CNTN4: variants seen among roughly 807,000 people sequenced by gnomAD.
The protein encoded by CNTN4 is contactin-4.
Under a neutral mutation model 122.5 loss-of-function variants are expected in CNTN4, and 77 were observed. That is an observed-to-expected ratio of 0.63 (90% CI 0.52 to 0.76). The LOEUF (loss-of-function observed/expected upper bound fraction) is 0.76, where lower values mean the gene tolerates loss of function less well. Among genes scored for constraint, CNTN4 ranks in the 30% least tolerant of loss-of-function variants. The probability of loss-of-function intolerance (pLI) is 0.00; values close to 1 mark genes in which losing one functional copy is unlikely to be tolerated. For missense variants in CNTN4, 1,256 were observed against 1,259.1 expected (o/e 1.00, Z 0.04); for synonymous variants, 512 against 447.0 (o/e 1.15, Z -1.83).
chr3:2,595,818 G>T (rs1388559517), intron 4 of CNTN4, among the ~76,000 whole-genome samples: 4 of 151,232 alleles, frequency 2.6e-5, no homozygotes, highest in African/African-American at 9.7e-5. Flanking sequence ...AGATCTGCAT[G>T]ATCCCCAAAC....
chr3:2,787,405 A>T (rs2091870879), intron 6 of CNTN4, among the ~76,000 whole-genome samples: 1 of 152,172 alleles, frequency 6.6e-6, no homozygotes, highest in Non-Finnish European at 1.5e-5. Flanking sequence ...AAATAAAATA[A>T]ATATAAAAGG....
In CNTN4 at chr3:2,215,883, C is replaced by CAAAAAAAA. The variant is rs869205172; in HGVS notation, c.-145+115261_-145+115268dup. On this transcript the variant is annotated intron_variant, in intron 2 of 24. Coordinates refer to ENST00000418658, the MANE Select transcript of CNTN4 (RefSeq NM_175607.3). ...GTGTGAACAGAGTGAGCCTCTGTCT[C>CAAAAAAAA]AAAAAAAAAAAAAAAAAAAAAAAAG... Among the ~76,000 whole-genome samples, 23 of 60,248 alleles carry CAAAAAAAA rather than the reference C, an allele frequency of 3.8e-4. 1 individual carries two copies. The highest frequency in any genetic ancestry group is 1.1e-3 in the African/African-American group (16 of 15,086). 39.5% of individuals were successfully genotyped at this position (60,248 alleles called of 152,430 possible). A position where few individuals can be genotyped will look rare whatever the true frequency, so the allele number is the denominator to read the frequency against.
In CNTN4 at chr3:2,988,430, C is replaced by CT; in HGVS notation, c.1444_1445insT (p.His482LeufsTer6). 6.2e-7 allele frequency: 1 copy of CT among 1,613,728 alleles called. No homozygotes were observed. The highest frequency in any genetic ancestry group is 8.5e-7 in the Non-Finnish European group (1 of 1,179,766). Reference sequence around the variant, plus strand: ...GAGTTATACCTGTATAGCCACTAACCATTTTGGAACTGCTAGCAGTACTGG... The same window carrying CT: ...GAGTTATACCTGTATAGCCACTAACCTATTTTGGAACTGCTAGCAGTACTGG... On this transcript the variant is annotated frameshift_variant, in exon 14 of 25. Coordinates refer to ENST00000418658, the MANE Select transcript of CNTN4 (RefSeq NM_175607.3). LOFTEE classifies it high-confidence loss of function.
chr3:2,273,914 C>G (rs2041398146), intron 2 of CNTN4, among the ~76,000 whole-genome samples: 2 of 151,966 alleles, frequency 1.3e-5, no homozygotes, highest in Non-Finnish European at 2.9e-5. Context: ...TTTTCTTTGC[C>G]TTCGCTTAAT....
chr3:2,816,638 T>C (rs959175856), intron 6 of CNTN4, among the ~76,000 whole-genome samples: 6 of 150,992 alleles, frequency 4.0e-5, no homozygotes, highest in African/African-American at 1.2e-4. Context: ...CTGGCCAACA[T>C]GGTGAAACCC....
At chr3:2,569,533 T>C (rs570405334) in intron 3 of CNTN4, among the ~76,000 whole-genome samples, 2 of 152,212 alleles carry the variant, frequency 1.3e-5, no homozygotes, top group East Asian at 3.9e-4. Flanking sequence ...ATAATATAAA[T>C]GTAATATATT....
At chr3:2,212,545 C>T (rs1174092405) in intron 2 of CNTN4, among the ~76,000 whole-genome samples, 1 of 152,082 alleles carries the variant, frequency 6.6e-6, no homozygotes. Context: ...AGACTTACTA[C>T]CACAAAAACA....
chr3:2,504,598 G>C (rs570034520), intron 3 of CNTN4, among the ~76,000 whole-genome samples: 5 of 152,244 alleles, frequency 3.3e-5, no homozygotes, highest in African/African-American at 1.2e-4. Context: ...TAAAACTACT[G>C]AGTGAAATGC....
intron 3 of CNTN4, among the ~76,000 whole-genome samples, chr3:2,557,714 GCACTCCAGCCTGGGCA>G (rs1232835082): frequency 2.7e-5 from 4 of 148,238 alleles, no homozygotes; most frequent in Admixed American, 1.4e-4. Context: ...GGGCAACACT[GCACTCCAGCCTGGGCA>G]ACAGAGCAAG....
chr3:2,109,843 T>G (rs1266273014), intron 2 of CNTN4, among the ~76,000 whole-genome samples: 1 of 152,212 alleles, frequency 6.6e-6, no homozygotes, highest in Non-Finnish European at 1.5e-5. Context: ...ATTAGTGAAT[T>G]AATTGGGAGT....
At chr3:2,278,250 C>A (rs575870725) in intron 2 of CNTN4, among the ~76,000 whole-genome samples, 1 of 152,296 alleles carries the variant, frequency 6.6e-6, no homozygotes, top group South Asian at 2.1e-4. Flanking sequence ...ACCTCATTTT[C>A]TTCACAGTAC....
chr3:2,438,776 A>G (rs573572661), intron 3 of CNTN4, among the ~76,000 whole-genome samples: 1 of 152,306 alleles, frequency 6.6e-6, no homozygotes, highest in African/African-American at 2.4e-5. Flanking sequence ...AATGTGGACC[A>G]CGGTCTGGAG....
At chr3:2,316,739 C>T (rs1371206802) in intron 2 of CNTN4, among the ~76,000 whole-genome samples, 4 of 152,106 alleles carry the variant, frequency 2.6e-5, no homozygotes, top group Non-Finnish European at 5.9e-5. Flanking sequence ...TCTTAGATGG[C>T]ATGATTTGAT....
intron 4 of CNTN4, among the ~76,000 whole-genome samples, chr3:2,591,812 G>A (rs1185065837): frequency 6.6e-6 from 1 of 152,186 alleles, no homozygotes. Flanking sequence ...TGAATGCCAG[G>A]TGTAGTAGTC....
intron 3 of CNTN4, among the ~76,000 whole-genome samples, chr3:2,563,365 C>T (rs568452629): frequency 2.4e-4 from 36 of 152,148 alleles, no homozygotes; most frequent in African/African-American, 7.5e-4. Flanking sequence ...ACTTAGTTAA[C>T]CCATAAAATT....
intron 7 of CNTN4, among the ~76,000 whole-genome samples, chr3:2,845,829 C>A (rs1009912891): frequency 1.3e-5 from 2 of 152,156 alleles, no homozygotes; most frequent in African/African-American, 4.8e-5. Flanking sequence ...AGCTTTGATG[C>A]TACAATACCT....
At chr3:2,787,749 G>A (rs1365970848) in intron 6 of CNTN4, among the ~76,000 whole-genome samples, 2 of 151,272 alleles carry the variant, frequency 1.3e-5, no homozygotes, top group East Asian at 1.9e-4. Context: ...CATGCACAAA[G>A]TGTACTTATC....
At chr3:2,791,614 A>T (rs2092014503) in intron 6 of CNTN4, among the ~76,000 whole-genome samples, 1 of 152,154 alleles carries the variant, frequency 6.6e-6, no homozygotes, top group Non-Finnish European at 1.5e-5. Flanking sequence ...GAAGAATGCA[A>T]ACCTGATGCC....
chr3:2,849,006 C>T (rs766253291), intron 7 of CNTN4, among the ~76,000 whole-genome samples: 1 of 152,112 alleles, frequency 6.6e-6, no homozygotes, highest in Non-Finnish European at 1.5e-5. Flanking sequence ...AAGCTAGGCA[C>T]CCAAAACAAA....
Sources: allele counts gnomAD v4.1 joint callset (sites outside exome capture counted in the v4.1 genomes callset), GRCh38; gene constraint gnomAD v4.1.1; transcripts MANE v1.5; gene names NCBI Gene and HGNC (gene_info 2026-07-23, HGNC 2026-07-21).